The following SLC30A9 variants were observed in gnomAD, a reference collection of about 807,000 sequenced individuals.
The protein encoded by SLC30A9 is solute carrier family 30 member 9.
A neutral mutation model predicts 87.5 loss-of-function variants in SLC30A9; 58 were observed. That is an observed-to-expected ratio of 0.66 (90% CI 0.54 to 0.82). SLC30A9 has a LOEUF of 0.82. SLC30A9 is among the 40% of genes least tolerant of loss of function. The pLI is 0.00. For missense variants in SLC30A9, 557 were observed against 679.1 expected (o/e 0.82, Z 2.00); for synonymous variants, 234 against 233.0 (o/e 1.00, Z -0.04).
intron 9 of SLC30A9, among the ~76,000 whole-genome samples, chr4:42,056,539 C>T (rs965960529): frequency 3.3e-5 from 5 of 152,102 alleles, no homozygotes; most frequent in African/African-American, 1.2e-4. Flanking sequence ...ATTCAGTTAC[C>T]TCCCACTAGG....
chr4:42,029,503 C>A, intron 6 of SLC30A9: 1 of 672,782 alleles, frequency 1.5e-6, no homozygotes, highest in South Asian at 1.6e-5. Flanking sequence ...TGATCCCAAG[C>A]ACTGTGAGGC....
intron 15 of SLC30A9, among the ~76,000 whole-genome samples, chr4:42,072,255 T>C (rs1164581235): frequency 1.3e-5 from 2 of 152,122 alleles, no homozygotes; most frequent in Non-Finnish European, 2.9e-5. Context: ...TGTTTTTCTA[T>C]TTTCTTTTTC....
chr4:42,016,586 T>C (rs946293522), intron 2 of SLC30A9, among the ~76,000 whole-genome samples: 24 of 152,200 alleles, frequency 1.6e-4, no homozygotes, highest in African/African-American at 5.3e-4. Context: ...GTTGCTAAGA[T>C]TTATCTTATT....
At chr4:42,004,474 T>C (rs533315993) in intron 2 of SLC30A9, among the ~76,000 whole-genome samples, 4 of 152,126 alleles carry the variant, frequency 2.6e-5, no homozygotes, top group Admixed American at 6.5e-5. Context: ...CATCATCTTA[T>C]GTTTTTCATG....
chr4:42,035,386 A>C, intron 7 of SLC30A9, 53 bp downstream of exon 7: 1 of 1,578,002 alleles, frequency 6.3e-7, no homozygotes, highest in Non-Finnish European at 8.6e-7. Context: ...GCAAAATTCT[A>C]ATATCAGTCC....
At chr4:41,999,214 C>T (rs537142723) in intron 1 of SLC30A9, among the ~76,000 whole-genome samples, 104 of 152,180 alleles carry the variant, frequency 6.8e-4, no homozygotes, top group African/African-American at 2.3e-3. Context: ...GGGTAATTAA[C>T]GTATTATTTT....
intron 9 of SLC30A9, among the ~76,000 whole-genome samples, chr4:42,050,816 C>T (rs151335554): frequency 1.2e-4 from 18 of 152,256 alleles, no homozygotes; most frequent in African/African-American, 3.9e-4. Context: ...TGGCTTTTTG[C>T]TTGAACACAT....
intron 6 of SLC30A9, among the ~76,000 whole-genome samples, 200 bp downstream of exon 6, chr4:42,023,584 A>G (rs931184046): frequency 4.6e-5 from 7 of 152,220 alleles, no homozygotes; most frequent in Admixed American, 1.3e-4. Context: ...TAGCTTTTTG[A>G]AGATGATGAG....
At chr4:42,036,637 C>A (rs1043006688) in intron 7 of SLC30A9, among the ~76,000 whole-genome samples, 1 of 152,202 alleles carries the variant, frequency 6.6e-6, no homozygotes, top group East Asian at 1.9e-4. Context: ...AGACATTGCA[C>A]CCATTTTGCA....
chr4:42,075,695 G>A lies in SLC30A9; in HGVS notation c.1457G>A (p.Gly486Asp), dbSNP rs752161372. Residue 486 changes from glycine to aspartate, a missense_variant, in exon 16 of 18, where the codon GGT becomes GAT. This residue lies in a region of SLC30A9 where 90 missense variants were observed against 149.4 expected (regional missense o/e 0.60). Transcript: ENST00000264451. ...GTTAAAGCCACAGATCTGGGATTAG[G>A]TAAAGTAAGATTTAAGGCAGAAGTA... ...HDVKATDLGLGKVRFKAEVDF... is the reference protein window; with the variant it reads ...HDVKATDLGLDKVRFKAEVDF... 1.1e-5 allele frequency: 18 copies of A among 1,613,570 alleles called. No individual in the cohort carries two copies. Among genetic ancestry groups the A allele is most frequent in the African/African-American group, 2.7e-5 (2 of 74,910 alleles).
rs749414646 is a variant in SLC30A9 at position 42,063,030 on chromosome 4, GTGT to G, written c.944_946del (p.Val315del). The G allele has an allele frequency of 1.9e-6, 3 of 1,613,198 alleles. No homozygotes were observed. In the Admixed American group the frequency reaches 5.0e-5, roughly 27 times the overall value. On this transcript the variant is annotated inframe_deletion, in exon 11 of 18. Coordinates refer to ENST00000264451, the MANE Select transcript of SLC30A9 (RefSeq NM_006345.4). Reference sequence around the variant, plus strand: ...CGCTATATTTCTTCGCTAATTAGTGGTGTTGGTATTTTCATGATGGGTGCAGGA... The same window carrying G: ...CGCTATATTTCTTCGCTAATTAGTGGTGGTATTTTCATGATGGGTGCAGGA...
At chr4:42,075,034 TATATATATATATATATATATA>T (rs1718468086) in intron 15 of SLC30A9, among the ~76,000 whole-genome samples, 3 of 7,880 alleles carry the variant, frequency 3.8e-4, no homozygotes, top group Non-Finnish European at 9.0e-4. Context: ...TATATATATA[TATATATATATATATATATATA>T]TATATTTTTT....
intron 12 of SLC30A9, 93 bp from the exon 13 acceptor site, chr4:42,066,457 T>C: frequency 1.5e-6 from 1 of 688,244 alleles, no homozygotes; most frequent in South Asian, 2.1e-5. Flanking sequence ...AGTTTTAAAA[T>C]GTTGTGCTTA....
intron 17 of SLC30A9, among the ~76,000 whole-genome samples, chr4:42,085,423 G>GT (rs753738421): frequency 8.5e-5 from 13 of 152,156 alleles, no homozygotes; most frequent in Non-Finnish European, 1.5e-4. Flanking sequence ...TCGTACTTCA[G>GT]TTTTCCCTGA....
At chr4:42,059,719 T>C (rs1717767318) in intron 9 of SLC30A9, among the ~76,000 whole-genome samples, 1 of 151,312 alleles carries the variant, frequency 6.6e-6, no homozygotes, top group Admixed American at 6.6e-5. Context: ...TACTTGCATG[T>C]TCTTTTAAAC....
intron 1 of SLC30A9, among the ~76,000 whole-genome samples, chr4:42,000,353 G>A (rs896086631): frequency 2.6e-5 from 4 of 152,016 alleles, no homozygotes; most frequent in African/African-American, 7.2e-5. Context: ...TCTGGAGTGT[G>A]TTTCCTATGA....
chr4:42,071,771 T>C (rs10022045), intron 15 of SLC30A9, among the ~76,000 whole-genome samples: 100,151 of 152,072 alleles, frequency 0.66, 37,164 homozygotes, highest in East Asian at 0.96. Flanking sequence ...ATATCCTTTC[T>C]TTGTGATGTT....
intron 8 of SLC30A9, 92 bp from the exon 9 acceptor site, chr4:42,049,285 A>T: frequency 1.5e-6 from 1 of 657,668 alleles, no homozygotes; most frequent in Non-Finnish European, 2.6e-6. Flanking sequence ...TTTCAACAGA[A>T]TCTAGTGTAG....
chr4:42,027,477 T>A (rs1716244183), intron 6 of SLC30A9, among the ~76,000 whole-genome samples: 1 of 151,784 alleles, frequency 6.6e-6, no homozygotes, highest in Non-Finnish European at 1.5e-5. Flanking sequence ...TTTTTTTTTT[T>A]AGTATGAGTG....
Sources: gnomAD v4.1 joint callset for allele counts (sites outside exome capture counted in the v4.1 genomes callset) on GRCh38, gnomAD v4.1.1 for gene constraint, gnomAD v4.1.1 regional missense constraint, MANE v1.5 for transcripts, NCBI Gene and HGNC (gene_info 2026-07-23, HGNC 2026-07-21) for gene names.